Variants in EVL observed in about 807,000 individuals in gnomAD.
EVL encodes the protein ena/VASP-like protein.
In EVL, 21 loss-of-function variants were observed where a neutral mutation model predicts 59.6. The observed-to-expected ratio is 0.35, with a 90% CI of 0.25 to 0.51. EVL has a LOEUF of 0.51. EVL is among the 20% of genes least tolerant of loss of function. EVL has a pLI of 0.97. For missense variants in EVL, 462 were observed against 546.6 expected (o/e 0.85, Z 1.54); for synonymous variants, 198 against 203.5 (o/e 0.97, Z 0.23).
chr14:100,143,403 G>A lies in EVL; in HGVS notation c.1220-298G>A, dbSNP rs190138737. Among the ~76,000 whole-genome samples the A allele has an allele frequency of 7.5e-4, 114 of 152,202 alleles. 3 individuals carry two copies. Among genetic ancestry groups the A allele is most frequent in the Admixed American group, 7.4e-3 (113 of 15,288 alleles). On this transcript the variant is annotated intron_variant, in intron 13 of 13. Coordinates refer to ENST00000392920, the MANE Select transcript of EVL (RefSeq NM_016337.3). ...AGCAGCTCCTCACACCAGAGTTCTG[G>A]TGCCCAGCACTCCTCAGCAGCAGTG...
At chr14:100,067,328 C>T (rs2061952551) in intron 1 of EVL, among the ~76,000 whole-genome samples, 1 of 152,170 alleles carries the variant, frequency 6.6e-6, no homozygotes, top group Admixed American at 6.5e-5. Context: ...TATATCTTAC[C>T]AGCTCTAGCT....
intron 4 of EVL, among the ~76,000 whole-genome samples, chr14:100,125,555 G>A (rs1025279526): frequency 2.6e-5 from 4 of 151,474 alleles, no homozygotes; most frequent in East Asian, 4.0e-4. Context: ...GGGCTTTTCC[G>A]TAATTTTTTT....
At chr14:100,074,840 CAAG>C (rs1206383643) in intron 1 of EVL, 1 of 152,798 alleles carries the variant, frequency 6.5e-6, no homozygotes, top group Non-Finnish European at 1.5e-5. Context: ...GCGAGGAGGG[CAAG>C]AAGGAGGGCA....
upstream of EVL, among the ~76,000 whole-genome samples, chr14:100,064,550 A>G (rs905802124): frequency 6.6e-6 from 1 of 152,230 alleles, no homozygotes; most frequent in Admixed American, 6.5e-5. Context: ...GCTGACTTAA[A>G]TGTCATCATT....
intron 1 of EVL, among the ~76,000 whole-genome samples, chr14:100,070,427 G>A (rs567946158): frequency 6.6e-6 from 1 of 152,082 alleles, no homozygotes; most frequent in Non-Finnish European, 1.5e-5. Flanking sequence ...GGGTAGAATC[G>A]AGGCCCTCCT....
At chr14:100,092,462 C>G (rs767745271) in intron 2 of EVL, among the ~76,000 whole-genome samples, 23 of 152,100 alleles carry the variant, frequency 1.5e-4, no homozygotes, top group Non-Finnish European at 1.9e-4. Flanking sequence ...CAGCCAGACT[C>G]AGTGGTTCAC....
intron 11 of EVL, chr14:100,138,960 G>GCAGA (rs1888985027): frequency 6.5e-6 from 1 of 152,758 alleles, no homozygotes; most frequent in South Asian, 2.1e-4. Context: ...CCACCTGGAA[G>GCAGA]CAGACAGGCC....
chr14:99,990,458 C>T (rs551305410), intron 1 of EVL, among the ~76,000 whole-genome samples: 162 of 152,168 alleles, frequency 1.1e-3, no homozygotes, highest in South Asian at 3.5e-3. Context: ...TTTCATCTTG[C>T]GAAACTGAAA....
chr14:100,032,430 T>C (rs2061328247), intron 1 of EVL, among the ~76,000 whole-genome samples: 1 of 152,224 alleles, frequency 6.6e-6, no homozygotes, highest in Admixed American at 6.5e-5. Context: ...TCCCTACCCA[T>C]GACCGAATGC....
chr14:100,055,402 G>C (rs1204682494), intron 1 of EVL, among the ~76,000 whole-genome samples: 2 of 152,098 alleles, frequency 1.3e-5, no homozygotes, highest in Non-Finnish European at 2.9e-5. Flanking sequence ...GCTCCCACTT[G>C]CCATACCCTG....
chr14:100,020,798 TA>T (rs1251513404), intron 1 of EVL, among the ~76,000 whole-genome samples: 4 of 152,258 alleles, frequency 2.6e-5, no homozygotes, highest in Non-Finnish European at 5.9e-5. Flanking sequence ...CCCTTTTCAG[TA>T]AACTTGATAC....
At chr14:100,050,131 G>A (rs530551244) in intron 1 of EVL, among the ~76,000 whole-genome samples, 148 of 152,212 alleles carry the variant, frequency 9.7e-4, no homozygotes, top group Non-Finnish European at 1.9e-3. Flanking sequence ...CTCCCACCCC[G>A]TAAAAACATT....
chr14:100,065,415 AG>A, upstream of EVL: 2 of 1,294,144 alleles, frequency 1.5e-6, no homozygotes. Context: ...CTGTCTTCAG[AG>A]GGTCTGTGGT....
At chr14:100,083,682 C>T (rs937677526) in intron 1 of EVL, among the ~76,000 whole-genome samples, 3 of 152,182 alleles carry the variant, frequency 2.0e-5, no homozygotes, top group East Asian at 1.9e-4. Flanking sequence ...TGCTTTACTA[C>T]GTAAATGTCT....
chr14:100,021,314 G>T (rs1289018252), intron 1 of EVL, among the ~76,000 whole-genome samples: 1 of 152,128 alleles, frequency 6.6e-6, no homozygotes, highest in Non-Finnish European at 1.5e-5. Flanking sequence ...TTGAATTAAA[G>T]GCCATTGCAC....
chr14:100,124,918 G>T (rs771759973), intron 4 of EVL, among the ~76,000 whole-genome samples: 7 of 152,060 alleles, frequency 4.6e-5, no homozygotes, highest in Non-Finnish European at 1.0e-4. Context: ...TTGTCCCAAG[G>T]CAGGACCACA....
upstream of EVL, among the ~76,000 whole-genome samples, chr14:100,063,388 A>G (rs563857605): frequency 9.2e-5 from 14 of 152,332 alleles, no homozygotes; most frequent in African/African-American, 3.1e-4. Context: ...AGAGAGACCT[A>G]TGTGGAACTT....
intron 1 of EVL, among the ~76,000 whole-genome samples, chr14:100,053,737 TA>T (rs1289579605): frequency 6.6e-6 from 1 of 152,146 alleles, no homozygotes; most frequent in African/African-American, 2.4e-5. Flanking sequence ...ATATTTTTAT[TA>T]CCCAGGTTCA....
intron 3 of EVL, among the ~76,000 whole-genome samples, chr14:100,111,148 A>AT (rs35367426): frequency 0.36 from 31,289 of 86,794 alleles, 6,639 homozygotes; most frequent in Non-Finnish European, 0.42. Flanking sequence ...TAGTGTCCTC[A>AT]TTTTTTTTTT....
Sources: gnomAD v4.1 joint callset for allele counts (sites outside exome capture counted in the v4.1 genomes callset) on GRCh38, gnomAD v4.1.1 for gene constraint, MANE v1.5 for transcripts, NCBI Gene and HGNC (gene_info 2026-07-23, HGNC 2026-07-21) for gene names.